The following GRID2 variants were observed in gnomAD, a reference collection of about 807,000 sequenced individuals.
The protein encoded by GRID2 is glutamate ionotropic receptor delta type subunit 2.
Under a neutral mutation model 114.8 loss-of-function variants are expected in GRID2, and 33 were observed. That is an observed-to-expected ratio of 0.29 (90% CI 0.22 to 0.38). GRID2 has a LOEUF of 0.38. Ranked by LOEUF, GRID2 falls within the 10% of genes least tolerant of loss-of-function variation. GRID2 has a pLI of 1.00. For synonymous variants in GRID2, 505 were observed against 449.9 expected, an observed-to-expected ratio of 1.12 and a Z score of -1.55; for missense variants, 1,184 against 1,257.7, an observed-to-expected ratio of 0.94 and a Z score of 0.89.
chr4:92,807,992 A>G (rs927863844), intron 2 of GRID2, among the ~76,000 whole-genome samples: 1 of 152,030 alleles, frequency 6.6e-6, no homozygotes, highest in African/African-American at 2.4e-5. Flanking sequence ...AATTAAATTG[A>G]GGATTTTGAA....
chr4:93,690,571 G>A (rs1726470628), intron 14 of GRID2, among the ~76,000 whole-genome samples: 1 of 151,854 alleles, frequency 6.6e-6, no homozygotes, highest in Non-Finnish European at 1.5e-5. Context: ...GTTGTCATGA[G>A]TATATTCTTG....
chr4:92,360,972 G>C (rs1234419482), intron 1 of GRID2, among the ~76,000 whole-genome samples: 1 of 151,936 alleles, frequency 6.6e-6, no homozygotes. Flanking sequence ...TTGCTTGAGG[G>C]TAAGGACTAG....
chr4:92,871,673 G>T (rs1045291300), intron 2 of GRID2, among the ~76,000 whole-genome samples: 1 of 151,876 alleles, frequency 6.6e-6, no homozygotes, highest in South Asian at 2.1e-4. Context: ...TTTCGAAACC[G>T]GCAAATATTA....
intron 13 of GRID2, among the ~76,000 whole-genome samples, chr4:93,558,042 A>G (rs573883088): frequency 1.3e-5 from 2 of 152,302 alleles, no homozygotes; most frequent in African/African-American, 4.8e-5. Flanking sequence ...GACATCAATA[A>G]GAAAAATTCA....
intron 1 of GRID2, among the ~76,000 whole-genome samples, chr4:92,473,275 C>A (rs1560654180): frequency 6.6e-6 from 1 of 152,052 alleles, no homozygotes; most frequent in East Asian, 1.9e-4. Flanking sequence ...TGTATGTGAT[C>A]TTTTATCCTG....
chr4:92,808,841 A>G (rs1397838934), intron 2 of GRID2, among the ~76,000 whole-genome samples: 1 of 151,658 alleles, frequency 6.6e-6, no homozygotes, highest in Admixed American at 6.6e-5. Flanking sequence ...TGAGAAACTT[A>G]TATTCTCAGT....
At chr4:92,479,970 T>C (rs1243604974) in intron 1 of GRID2, among the ~76,000 whole-genome samples, 2 of 152,158 alleles carry the variant, frequency 1.3e-5, no homozygotes, top group African/African-American at 4.8e-5. Context: ...TAGAATGTGA[T>C]TCTTTGAAAC....
intron 1 of GRID2, among the ~76,000 whole-genome samples, chr4:92,373,050 G>A (rs1363571774): frequency 6.6e-6 from 1 of 152,164 alleles, no homozygotes; most frequent in Non-Finnish European, 1.5e-5. Flanking sequence ...GCTTCAGCCA[G>A]AGAGTGTTAG....
rs545109814 is a variant in GRID2 at position 92,475,156 on chromosome 4, A to T, written c.89-114975A>T. Among the ~76,000 whole-genome samples the T allele has an allele frequency of 1.2e-4, 17 of 146,638 alleles. No individual in the cohort carries two copies. The South Asian group carries it at 2.4e-3, about 20-fold the overall frequency. On this transcript the variant is annotated intron_variant, in intron 1 of 15. Transcript: ENST00000282020. Reference sequence around the variant, plus strand: ...ATAATAATAATAATAATAATAATAAAAAGCTTTTTATTTTGACTTAATCCC... The same window carrying T: ...ATAATAATAATAATAATAATAATAATAAGCTTTTTATTTTGACTTAATCCC...
At chr4:92,542,781 A>C (rs766852959) in intron 1 of GRID2, among the ~76,000 whole-genome samples, 2 of 152,164 alleles carry the variant, frequency 1.3e-5, no homozygotes, top group Non-Finnish European at 2.9e-5. Flanking sequence ...TATTGAAATA[A>C]AAATTTAAAA....
At chr4:93,100,723 A>G (rs2149339919) in intron 3 of GRID2, among the ~76,000 whole-genome samples, 1 of 152,192 alleles carries the variant, frequency 6.6e-6, no homozygotes, top group Admixed American at 6.6e-5. Context: ...CTTAAAATGT[A>G]TTACATGATT....
At chr4:93,246,580 CCTT>C (rs2149524660) in intron 8 of GRID2, among the ~76,000 whole-genome samples, 1 of 144,452 alleles carries the variant, frequency 6.9e-6, no homozygotes, top group Admixed American at 6.8e-5. Flanking sequence ...ATGCAAGACT[CCTT>C]CTCAAAAAAA....
chr4:92,773,643 C>A (rs201478769), intron 2 of GRID2, among the ~76,000 whole-genome samples: 2 of 151,488 alleles, frequency 1.3e-5, no homozygotes, highest in African/African-American at 4.8e-5. Flanking sequence ...ATAGTTAATA[C>A]CATAAATTTA....
At chr4:92,557,633 ATATATATATGGT>A (rs991633071) in intron 1 of GRID2, among the ~76,000 whole-genome samples, 13 of 121,082 alleles carry the variant, frequency 1.1e-4, no homozygotes, top group African/African-American at 4.1e-4. Flanking sequence ...TTCACTGCAT[ATATATATATGGT>A]TATATATATA....
rs571696385 is a variant in GRID2 at position 92,978,241 on chromosome 4, T to C, written c.245-106754T>C. On this transcript the variant is annotated intron_variant, in intron 2 of 15. Coordinates refer to ENST00000282020, the MANE Select transcript of GRID2 (RefSeq NM_001510.4). Reference sequence around the variant, plus strand: ...TCCCTTTATTGTCCTAGAACAATTATTAAATAATTACTGAAACATTTTTCC... The same window carrying C: ...TCCCTTTATTGTCCTAGAACAATTACTAAATAATTACTGAAACATTTTTCC... Among the ~76,000 whole-genome samples the C allele has an allele frequency of 7.4e-5, 11 of 147,826 alleles. No individual in the cohort carries two copies. The East Asian group carries it at 2.4e-3, about 32-fold the overall frequency.
chr4:92,902,937 A>G (rs1426673904), intron 2 of GRID2, among the ~76,000 whole-genome samples: 1 of 152,004 alleles, frequency 6.6e-6, no homozygotes, highest in Non-Finnish European at 1.5e-5. Context: ...TACCAGTACC[A>G]TGCTATTTTG....
intron 2 of GRID2, among the ~76,000 whole-genome samples, chr4:93,000,377 G>C (rs1377419886): frequency 6.6e-6 from 1 of 151,542 alleles, no homozygotes; most frequent in African/African-American, 2.4e-5. Flanking sequence ...TGAATACCAT[G>C]ATTGGAGCTA....
intron 1 of GRID2, among the ~76,000 whole-genome samples, chr4:92,362,343 A>ATT (rs150167310): frequency 4.0e-5 from 6 of 151,728 alleles, no homozygotes; most frequent in Non-Finnish European, 7.4e-5. Context: ...GGGAAGTATG[A>ATT]TTTTTTTTGC....
chr4:92,823,358 C>T (rs946754972), intron 2 of GRID2, among the ~76,000 whole-genome samples: 1 of 152,096 alleles, frequency 6.6e-6, no homozygotes, highest in African/African-American at 2.4e-5. Flanking sequence ...CTGCCAATCC[C>T]TAGCACCCTG....
Sources: allele counts gnomAD v4.1 joint callset (sites outside exome capture counted in the v4.1 genomes callset), GRCh38; gene constraint gnomAD v4.1.1; transcripts MANE v1.5; gene names NCBI Gene and HGNC (gene_info 2026-07-23, HGNC 2026-07-21).